DIAPH2: variants seen among roughly 807,000 people sequenced by gnomAD.
DIAPH2 encodes the protein protein diaphanous homolog 2.
A neutral mutation model predicts 92.7 loss-of-function variants in DIAPH2; 35 were observed. The ratio of observed to expected loss-of-function variants is 0.38; its 90% CI spans 0.29 to 0.50. The LOEUF is 0.50. DIAPH2 is among the 20% of genes least tolerant of loss of function. The pLI, the probability that DIAPH2 is intolerant of heterozygous loss-of-function variation, is 0.94. For missense variants in DIAPH2, 701 were observed against 819.5 expected, an observed-to-expected ratio of 0.86 and a Z score of 1.77; for synonymous variants, 301 against 280.4, an observed-to-expected ratio of 1.07 and a Z score of -0.73.
chrX:97,589,027 A>ATATATATATATATATATAT (rs748240865), intron 26 of DIAPH2, among the ~76,000 whole-genome samples: 97 of 85,032 alleles, frequency 1.1e-3, no homozygotes, highest in Non-Finnish European at 1.7e-3. Flanking sequence ...ATATATATAT[A>ATATATATATATATATATAT]AAAGAATCAG....
At chrX:96,908,842 G>T (rs1262304222) in intron 5 of DIAPH2, among the ~76,000 whole-genome samples, 1 of 111,511 alleles carries the variant, frequency 9.0e-6, no homozygotes, top group South Asian at 3.8e-4. Context: ...CTCGTGATCC[G>T]CCCGCCTCGG....
chrX:96,863,209 TTA>T (rs2065082078), intron 4 of DIAPH2, among the ~76,000 whole-genome samples: 1 of 108,369 alleles, frequency 9.2e-6, no homozygotes, highest in Non-Finnish European at 1.9e-5. Flanking sequence ...ACCTGCTTTG[TTA>T]TGAGTCCTTT....
chrX:97,537,400 A>C (rs1219346474), intron 26 of DIAPH2, among the ~76,000 whole-genome samples: 2 of 111,962 alleles, frequency 1.8e-5, no homozygotes, highest in Non-Finnish European at 3.8e-5. Flanking sequence ...AAGAGACAGA[A>C]ACCACTTAAG....
intron 26 of DIAPH2, among the ~76,000 whole-genome samples, chrX:97,578,304 A>T (rs1353462774): frequency 9.3e-6 from 1 of 107,541 alleles, no homozygotes; most frequent in Non-Finnish European, 1.9e-5. Context: ...ATATCTCCCA[A>T]TGCTATCCCT....
rs984198310 is a variant in DIAPH2 at position 97,373,669 on chromosome X, G to A, written c.3010-10240G>A. Among the ~76,000 whole-genome samples, 4 of 98,187 alleles carry A rather than the reference G, an allele frequency of 4.1e-5. No individual in the cohort carries two copies. The South Asian group carries it at 1.6e-3, about 39-fold the overall frequency. The allele number at this position is 98,187 out of a possible 115,157, so 85.3% of individuals were successfully genotyped here. A position where few individuals can be genotyped will look rare whatever the true frequency, so the allele number is the denominator to read the frequency against. On this transcript the variant is annotated intron_variant, in intron 24 of 26. Coordinates refer to ENST00000324765, the MANE Select transcript of DIAPH2 (RefSeq NM_006729.5). The stretch of plus-strand genomic sequence containing the variant: ...GTTGCCCAGGCTGGAGTGCAATGGC[G>A]CGACTCGGCTCACTGCAACCTCCGC...
chrX:97,384,872 TA>T (rs1416269934), intron 25 of DIAPH2, among the ~76,000 whole-genome samples: 9 of 106,952 alleles, frequency 8.4e-5, no homozygotes, highest in Non-Finnish European at 1.7e-4. Context: ...TCTCAAAAAA[TA>T]AATAAATAAA....
intron 12 of DIAPH2, among the ~76,000 whole-genome samples, chrX:96,939,584 A>ATGTG (rs200977682): frequency 1.6e-5 from 1 of 64,287 alleles, no homozygotes; most frequent in Non-Finnish European, 3.1e-5. Flanking sequence ...GTGTGTGTAT[A>ATGTG]TGTGTGTGTG....
At chrX:97,113,576 C>G (rs978164639) in intron 20 of DIAPH2, among the ~76,000 whole-genome samples, 3 of 112,044 alleles carry the variant, frequency 2.7e-5, no homozygotes, top group African/African-American at 6.5e-5. Flanking sequence ...TTTGGAGAGG[C>G]AGATGTTCAT....
At chrX:97,201,214 C>T (rs1157987543) in intron 22 of DIAPH2, among the ~76,000 whole-genome samples, 1 of 98,619 alleles carries the variant, frequency 1.0e-5, no homozygotes, top group Non-Finnish European at 2.0e-5. Context: ...TGAGGAAAAA[C>T]CAGCGCAAAA....
intron 17 of DIAPH2, among the ~76,000 whole-genome samples, chrX:96,982,483 T>C (rs1356232022): frequency 8.9e-6 from 1 of 112,254 alleles, no homozygotes; most frequent in Non-Finnish European, 1.9e-5. Flanking sequence ...TGTAATTGCT[T>C]TTAATAGTAG....
chrX:97,014,382 G>A (rs970763379), intron 17 of DIAPH2, among the ~76,000 whole-genome samples: 11 of 112,017 alleles, frequency 9.8e-5, no homozygotes, highest in African/African-American at 3.6e-4. Flanking sequence ...TTTTATTTTC[G>A]TAAAATTTGC....
At chrX:97,597,228 G>A (rs1166317886) in intron 26 of DIAPH2, among the ~76,000 whole-genome samples, 1 of 111,897 alleles carries the variant, frequency 8.9e-6, no homozygotes, top group Admixed American at 9.5e-5. Flanking sequence ...AGAAAATCTA[G>A]AATAATTCTG....
intron 17 of DIAPH2, among the ~76,000 whole-genome samples, chrX:97,022,454 G>A (rs763348503): frequency 9.0e-6 from 1 of 111,699 alleles, no homozygotes; most frequent in African/African-American, 3.2e-5. Flanking sequence ...TAATTCTCCA[G>A]GTAGATGTCT....
intron 4 of DIAPH2, among the ~76,000 whole-genome samples, chrX:96,778,822 GGTAAACATT>G (rs1227796069): frequency 1.8e-5 from 2 of 111,344 alleles, no homozygotes; most frequent in East Asian, 5.6e-4. Context: ...TTAGATTCAG[GGTAAACATT>G]GTGGGCAAGG....
intron 26 of DIAPH2, among the ~76,000 whole-genome samples, chrX:97,594,059 C>G (rs2071535019): frequency 9.0e-6 from 1 of 111,265 alleles, no homozygotes; most frequent in African/African-American, 3.3e-5. Context: ...AATGCCACTT[C>G]TACATATGGC....
chrX:96,976,245 G>A (rs910255304), intron 17 of DIAPH2, among the ~76,000 whole-genome samples: 2 of 108,745 alleles, frequency 1.8e-5, no homozygotes, highest in Non-Finnish European at 3.8e-5. Flanking sequence ...CCAAGATCAC[G>A]CCGCTGCACT....
In DIAPH2 at chrX:96,714,940, G is replaced by A. The variant is rs190321818; in HGVS notation, c.133-20818G>A. Among the ~76,000 whole-genome samples the A allele has an allele frequency of 2.6e-3, 286 of 111,782 alleles. 2 individuals are homozygous for A. Among genetic ancestry groups the A allele is most frequent in the African/African-American group, 8.8e-3 (270 of 30,798 alleles). ...TTTTTGTATATATGTGTCTGTGTGT[G>A]TACATATGATTGTGTATGTTTAAGT... On this transcript the variant is annotated intron_variant, in intron 1 of 26. Transcript: ENST00000324765.
At chrX:96,956,873 C>T (rs1490402721) in intron 15 of DIAPH2, among the ~76,000 whole-genome samples, 1 of 112,626 alleles carries the variant, frequency 8.9e-6, no homozygotes, top group African/African-American at 3.2e-5. Flanking sequence ...CTGCCTGTTA[C>T]CCAGTTCTAA....
chrX:96,723,269 A>G (rs1489559408), intron 1 of DIAPH2, among the ~76,000 whole-genome samples: 2 of 111,901 alleles, frequency 1.8e-5, no homozygotes, highest in African/African-American at 6.5e-5. Context: ...GGGAATTTAG[A>G]TGCCAGGATA....
Sources: gnomAD v4.1 joint callset for allele counts (sites outside exome capture counted in the v4.1 genomes callset) on GRCh38, gnomAD v4.1.1 for gene constraint, MANE v1.5 for transcripts, NCBI Gene and HGNC (gene_info 2026-07-23, HGNC 2026-07-21) for gene names.